Variants in A2ML1 observed in about 807,000 individuals in gnomAD.
The protein encoded by A2ML1 is alpha-2-macroglobulin-like protein 1.
A2ML1 carries 161 observed loss-of-function variants against 181.9 expected under a neutral mutation model. The observed-to-expected ratio is 0.89, with a 90% CI of 0.78 to 1.01. A2ML1 has a LOEUF of 1.01. A2ML1 is among the 50% of genes least tolerant of loss of function. The pLI is 0.00. For synonymous variants in A2ML1, 663 were observed against 666.8 expected, an observed-to-expected ratio of 0.99 and a Z score of 0.09; for missense variants, 1,670 against 1,768.1, an observed-to-expected ratio of 0.94 and a Z score of 1.00.
At chr12:8,884,241 G>GT (rs1289302391) in intron 7 of A2ML1, among the ~76,000 whole-genome samples, 1,495 of 108,948 alleles carry the variant, frequency 0.014, 19 homozygotes, top group African/African-American at 0.021. Flanking sequence ...GTTTTTTTTT[G>GT]TTTTGTTTTT....
chr12:8,854,471 C>G (rs1002374352), intron 21 of A2ML1, among the ~76,000 whole-genome samples: 5 of 152,192 alleles, frequency 3.3e-5, no homozygotes, highest in African/African-American at 1.2e-4. Flanking sequence ...GTTAGTTTAC[C>G]TAATTAAAAT....
At chr12:8,845,819 C>T (rs1943654952) in intron 13 of A2ML1, among the ~76,000 whole-genome samples, 1 of 146,842 alleles carries the variant, frequency 6.8e-6, no homozygotes, top group Non-Finnish European at 1.5e-5. Flanking sequence ...CACTGCGCTC[C>T]AGCCTGGGCG....
intron 4 of A2ML1, among the ~76,000 whole-genome samples, chr12:8,833,727 T>C (rs1943189595): frequency 6.6e-6 from 1 of 152,202 alleles, no homozygotes; most frequent in South Asian, 2.1e-4. Context: ...TGTTTTGTTT[T>C]GACTTTATGG....
rs1944098656 is a variant in A2ML1 at position 8,857,252 on chromosome 12, TC to T, written c.2940del (p.Ile981SerfsTer14). 1 of 1,613,440 alleles carries T rather than the reference TC, an allele frequency of 6.2e-7. No homozygotes were observed. Among genetic ancestry groups the T allele is most frequent in the South Asian group, 1.1e-5 (1 of 91,060 alleles). ...GCGAGCAGAACATGGTCTTGTTTGC[TC>T]CCATCATCTATGTCTTGCAGTACCT... is the stretch of plus-strand genomic sequence containing the variant. ...CGEQNMVLFA[P>X]IIYVLQYLEK... On this transcript the variant is annotated frameshift_variant, in exon 24 of 36. Coordinates refer to ENST00000299698, the MANE Select transcript of A2ML1 (RefSeq NM_144670.6). LOFTEE classifies it high-confidence loss of function.
Position 8,843,362 on chromosome 12 carries a change from G to A in A2ML1, c.1476+1G>A, listed in dbSNP as rs758062102. ...CCAAGAGATCAGCTTCTCCTACTAT[G>A]TGAGACCGGGAAACGGGGACGGGTG... On this transcript the variant is annotated splice_donor_variant, in intron 12 of 35. Transcript: ENST00000299698. LOFTEE classifies it high-confidence loss of function. The A allele has an allele frequency of 3.1e-6, 5 of 1,612,440 alleles. No individual in the cohort carries two copies. The highest frequency in any genetic ancestry group is 4.2e-6 in the Non-Finnish European group (5 of 1,178,512).
rs55754466 is a variant in A2ML1 at position 8,839,526 on chromosome 12, C to CT, written c.1080+304_1080+305insT. ...CTCCACTCCCTGTACTCTGCTGCCC[C>CT]AATCCCATAGAAGAAGTGCCTTGAA... On this transcript the variant is annotated intron_variant, in intron 10 of 35. Coordinates refer to ENST00000299698, the MANE Select transcript of A2ML1 (RefSeq NM_144670.6). Among the ~76,000 whole-genome samples, 142,288 of 152,090 alleles carry CT rather than the reference C, an allele frequency of 0.94. 67,275 individuals carry two copies. Among genetic ancestry groups the CT allele is most frequent in the East Asian group, 1 (5,156 of 5,156 alleles).
At chr12:8,885,583 G>A (rs771948062) in intron 7 of A2ML1, among the ~76,000 whole-genome samples, 8 of 152,036 alleles carry the variant, frequency 5.3e-5, no homozygotes, top group African/African-American at 1.7e-4. Context: ...TCAGCCTCCT[G>A]AATAGCTGGG....
At chr12:8,872,176 C>T (rs1944646960) in intron 33 of A2ML1, among the ~76,000 whole-genome samples, 1 of 133,934 alleles carries the variant, frequency 7.5e-6, no homozygotes, top group African/African-American at 2.9e-5. Flanking sequence ...AAGACTCCAT[C>T]TCAGAAAAAA....
At chr12:8,880,904 G>C (rs1421877334), downstream of A2ML1, among the ~76,000 whole-genome samples, 1 of 152,216 alleles carries the variant, frequency 6.6e-6, no homozygotes, top group Admixed American at 6.5e-5. Context: ...GCTTTTTATG[G>C]AATATGTGTG....
At chr12:8,833,868 A>C (rs987923626) in intron 4 of A2ML1, among the ~76,000 whole-genome samples, 1 of 152,064 alleles carries the variant, frequency 6.6e-6, no homozygotes, top group Admixed American at 6.6e-5. Context: ...CATTATCCCT[A>C]CTATCAAGGC....
chr12:8,875,748 C>T (rs1944781673), intron 35 of A2ML1: 1 of 148,948 alleles, frequency 6.7e-6, no homozygotes, highest in East Asian at 1.9e-4. Context: ...CTGTCCTAAA[C>T]TCTTGAAAAT....
At position 8,843,299 on chromosome 12, in the gene A2ML1, G is replaced by A. The variant is rs1168556891; in HGVS notation, c.1414G>A (p.Val472Met). The A allele has an allele frequency of 1.2e-6, 2 of 1,614,032 alleles. No individual in the cohort carries two copies. The highest frequency in any genetic ancestry group is 2.2e-5 in the East Asian group (1 of 44,896). ...ATGTGGCCAGCCCCAGGAAGTGCTG[G>A]TGGATTATTACATCGACCCGGCCGA... ...LKCGQPQEVLVDYYIDPADAS... is the reference protein window; with the variant it reads ...LKCGQPQEVLMDYYIDPADAS... The change falls in exon 12 of 36, where the codon GTG (valine) becomes ATG (methionine). Residue 472 changes from valine to methionine, a missense_variant. By Grantham distance (21) the Val-to-Met change is conservative. Transcript: ENST00000299698.
At chr12:8,853,781 C>T (rs967060335) in intron 20 of A2ML1, among the ~76,000 whole-genome samples, 5 of 152,170 alleles carry the variant, frequency 3.3e-5, no homozygotes, top group Non-Finnish European at 2.9e-5. Flanking sequence ...ATGGAAGCTG[C>T]AGTCTTTTTT....
Position 8,857,929 on chromosome 12 carries a change from C to T in A2ML1, c.3108-17C>T, listed in dbSNP as rs1200351258. ...GAAATTCCTCTTCATGCCATATTTT[C>T]CTCTTTACCCATGTAGGCTGACAGC... On this transcript the variant is annotated splice_polypyrimidine_tract_variant and intron_variant, in intron 25 of 35. Coordinates refer to ENST00000299698, the MANE Select transcript of A2ML1 (RefSeq NM_144670.6). The T allele has an allele frequency of 5.6e-6, 9 of 1,611,604 alleles. No individual in the cohort carries two copies. The highest frequency in any genetic ancestry group is 7.6e-6 in the Non-Finnish European group (9 of 1,178,720).
At chr12:8,858,407 AC>A (rs1370359921) in intron 26 of A2ML1, 3 of 229,734 alleles carry the variant, frequency 1.3e-5, no homozygotes, top group East Asian at 1.8e-4. Flanking sequence ...ACATGGTGAA[AC>A]CCCATCTCTA....
At chr12:8,874,388 T>G in intron 33 of A2ML1, 37 bp from the exon 34 acceptor site, 1 of 1,493,440 alleles carries the variant, frequency 6.7e-7, no homozygotes, top group Non-Finnish European at 9.3e-7. Flanking sequence ...ATTTTCATTT[T>G]ACTTCTAAGG....
intron 34 of A2ML1, 133 bp downstream of exon 34, chr12:8,874,660 T>A (rs1944744290): frequency 1.4e-6 from 1 of 700,816 alleles, no homozygotes. Context: ...ATAATTAAAT[T>A]ATCTAATCTC....
intron 29 of A2ML1, 98 bp from the exon 30 acceptor site, chr12:8,867,744 C>A: frequency 1.9e-6 from 2 of 1,066,992 alleles, no homozygotes; most frequent in Non-Finnish European, 2.8e-6. Flanking sequence ...ATCATCCAAG[C>A]CAACTAACAA....
At chr12:8,863,570 G>A (rs1420158704) in intron 28 of A2ML1, among the ~76,000 whole-genome samples, 2 of 152,188 alleles carry the variant, frequency 1.3e-5, no homozygotes, top group Non-Finnish European at 2.9e-5. Flanking sequence ...AATTGCTGGA[G>A]GCAGGAACAT....
Sources: gnomAD v4.1 joint callset for allele counts (sites outside exome capture counted in the v4.1 genomes callset) on GRCh38, gnomAD v4.1.1 for gene constraint, MANE v1.5 for transcripts, NCBI Gene and HGNC (gene_info 2026-07-23, HGNC 2026-07-21) for gene names.